COG6: variants seen among roughly 807,000 people sequenced by gnomAD.
COG6 encodes the protein component of oligomeric golgi complex 6, also known as conserved oligomeric Golgi complex subunit 6.
A neutral mutation model predicts 88.8 loss-of-function variants in COG6; 74 were observed. The ratio of observed to expected loss-of-function variants is 0.83; its 90% CI spans 0.69 to 1.01. The LOEUF (loss-of-function observed/expected upper bound fraction) is 1.01. Among genes scored for constraint, COG6 ranks in the 50% least tolerant of loss-of-function variants. The probability of loss-of-function intolerance (pLI) is 0.00; values close to 1 mark genes in which losing one functional copy is unlikely to be tolerated. For missense variants in COG6, 800 were observed against 797.9 expected, an observed-to-expected ratio of 1.00 and a Z score of -0.03; for synonymous variants, 286 against 278.7, an observed-to-expected ratio of 1.03 and a Z score of -0.26.
chr13:39,681,071 G>A (rs1301726653), intron 7 of COG6, among the ~76,000 whole-genome samples: 1 of 152,158 alleles, frequency 6.6e-6, no homozygotes, highest in Admixed American at 6.5e-5. Context: ...TGTTTCAATA[G>A]ATTTTTTGCA....
chr13:39,724,562 GT>G lies in COG6; in HGVS notation c.1746+2del. ...TTCTGTGACACTGAAGGCTGCAATG[GT>G]AAGTGTATAATAAAACATTTTAATT... On this transcript the variant is annotated splice_donor_variant, in intron 17 of 18. Coordinates refer to ENST00000455146, the MANE Select transcript of COG6 (RefSeq NM_020751.3). LOFTEE classifies it high-confidence loss of function. 1 of 1,586,974 alleles carries G rather than the reference GT, an allele frequency of 6.3e-7. No homozygotes were observed. Among genetic ancestry groups the G allele is most frequent in the Non-Finnish European group, 8.6e-7 (1 of 1,157,930 alleles).
chr13:39,748,647 A>G (rs904096144), intron 18 of COG6, among the ~76,000 whole-genome samples: 1 of 151,928 alleles, frequency 6.6e-6, no homozygotes, highest in Non-Finnish European at 1.5e-5. Context: ...CCCAAGCCTC[A>G]TTTAGTTAAG....
intron 12 of COG6, among the ~76,000 whole-genome samples, chr13:39,696,654 A>G (rs575472808): frequency 1.3e-5 from 2 of 151,710 alleles, no homozygotes; most frequent in South Asian, 4.2e-4. Flanking sequence ...AGGTAGAGAG[A>G]GGCCAGCTCA....
intron 13 of COG6, 63 bp from the exon 14 acceptor site, chr13:39,719,172 AC>A: frequency 1.3e-6 from 2 of 1,513,004 alleles, no homozygotes; most frequent in Non-Finnish European, 1.8e-6. Flanking sequence ...CTATGAACTT[AC>A]ATTTATACAT....
At chr13:39,722,724 C>A (rs1878914904) in intron 15 of COG6, among the ~76,000 whole-genome samples, 2 of 152,072 alleles carry the variant, frequency 1.3e-5, no homozygotes, top group East Asian at 1.9e-4. Context: ...TAGTTGGAAT[C>A]CCCCAAAATA....
intron 18 of COG6, among the ~76,000 whole-genome samples, chr13:39,786,341 G>T (rs972947151): frequency 2.0e-5 from 3 of 152,172 alleles, no homozygotes; most frequent in African/African-American, 7.2e-5. Flanking sequence ...GCTGAACACT[G>T]GCTCGGCCCC....
intron 7 of COG6, 68 bp downstream of exon 7, chr13:39,680,113 G>T: frequency 1.1e-6 from 1 of 872,658 alleles, no homozygotes; most frequent in Non-Finnish European, 1.9e-6. Context: ...ATTTTACTTG[G>T]TCTTTATTTG....
Position 39,682,154 on chromosome 13 carries a change from T to C in COG6, c.695-17T>C, listed in dbSNP as rs2137992680. On this transcript the variant is annotated splice_polypyrimidine_tract_variant and intron_variant, in intron 7 of 18. Coordinates refer to ENST00000455146, the MANE Select transcript of COG6 (RefSeq NM_020751.3). ...AAGCTGAATTTAACAAAAGTTATAA[T>C]GTTAATTATTTTTCAGGTGAATGCA... The C allele has an allele frequency of 1.3e-6, 2 of 1,549,236 alleles. No homozygotes were observed. Among genetic ancestry groups the C allele is most frequent in the Non-Finnish European group, 1.8e-6 (2 of 1,121,144 alleles).
intron 18 of COG6, among the ~76,000 whole-genome samples, chr13:39,772,569 G>C (rs554200041): frequency 6.6e-6 from 1 of 152,326 alleles, no homozygotes; most frequent in South Asian, 2.1e-4. Context: ...AGTTAGAGGA[G>C]CTGTCAATAA....
chr13:39,728,427 C>A (rs1178832266), intron 18 of COG6, among the ~76,000 whole-genome samples: 1 of 150,252 alleles, frequency 6.7e-6, no homozygotes, highest in Non-Finnish European at 1.5e-5. Context: ...ACTCACCATG[C>A]AGAATTTGGT....
At chr13:39,730,512 A>C (rs1001926349) in intron 18 of COG6, among the ~76,000 whole-genome samples, 2 of 151,944 alleles carry the variant, frequency 1.3e-5, no homozygotes, top group Non-Finnish European at 1.5e-5. Context: ...GGTTCACTGA[A>C]TGCCTGTAAT....
intron 18 of COG6, among the ~76,000 whole-genome samples, chr13:39,783,598 T>C (rs1037550392): frequency 1.4e-4 from 21 of 152,206 alleles, no homozygotes; most frequent in African/African-American, 4.6e-4. Flanking sequence ...GCTTGTGAGA[T>C]TGAAAAGGAC....
At chr13:39,722,861 G>T (rs1197068872) in intron 15 of COG6, among the ~76,000 whole-genome samples, 1 of 151,988 alleles carries the variant, frequency 6.6e-6, no homozygotes, top group Non-Finnish European at 1.5e-5. Context: ...TCACAGACCT[G>T]CCTTATCCTC....
chr13:39,737,060 C>G (rs1339996826), intron 18 of COG6, among the ~76,000 whole-genome samples: 3 of 152,292 alleles, frequency 2.0e-5, no homozygotes, highest in African/African-American at 7.2e-5. Flanking sequence ...GTGGCTCTTG[C>G]AGACTCAATG....
Position 39,687,718 on chromosome 13 carries a change from G to C in COG6, c.928G>C (p.Asp310His). The C allele has an allele frequency of 6.2e-7, 1 of 1,614,060 alleles. No individual in the cohort carries two copies. The highest frequency in any genetic ancestry group is 8.5e-7 in the Non-Finnish European group (1 of 1,179,972). ...TTTAGTTTTCATTAGGTATGTAGGA[G>C]ATATGTTGGCTTGGCTCCATCAAGC... Reference protein sequence around the residue: ...HSHDPLRYVGDMLAWLHQATA... With the variant: ...HSHDPLRYVGHMLAWLHQATA... The change falls in exon 10 of 19, where the codon GAT becomes CAT. Residue 310 changes from aspartate to histidine, a missense_variant. Transcript: ENST00000455146.
At chr13:39,775,468 C>T (rs1304141277) in intron 18 of COG6, among the ~76,000 whole-genome samples, 2 of 152,164 alleles carry the variant, frequency 1.3e-5, no homozygotes, top group East Asian at 3.9e-4. Context: ...AGATGAAGAA[C>T]GAGGACATCT....
At chr13:39,710,516 A>G (rs1433626808) in intron 13 of COG6, among the ~76,000 whole-genome samples, 1 of 152,164 alleles carries the variant, frequency 6.6e-6, no homozygotes, top group Non-Finnish European at 1.5e-5. Context: ...CTCTTAGAGT[A>G]AGTAAACCTG....
chr13:39,688,811 T>G (rs1284200012), intron 10 of COG6, among the ~76,000 whole-genome samples: 1 of 152,178 alleles, frequency 6.6e-6, no homozygotes, highest in Non-Finnish European at 1.5e-5. Context: ...GAGGCCTGTT[T>G]TAGAGTTTGA....
At chr13:39,672,820 C>T (rs145620173) in intron 4 of COG6, among the ~76,000 whole-genome samples, 1 of 152,152 alleles carries the variant, frequency 6.6e-6, no homozygotes, top group East Asian at 1.9e-4. Flanking sequence ...AACTGCCACA[C>T]TGTTTTCCGA....
Sources: allele counts gnomAD v4.1 joint callset (sites outside exome capture counted in the v4.1 genomes callset), GRCh38; gene constraint gnomAD v4.1.1; transcripts MANE v1.5; gene names NCBI Gene and HGNC (gene_info 2026-07-23, HGNC 2026-07-21).